The following HADHA variants were observed in gnomAD, a reference collection of about 807,000 sequenced individuals.
The protein encoded by HADHA is trifunctional enzyme subunit alpha, mitochondrial.
In HADHA, 59 loss-of-function variants were observed where a neutral mutation model predicts 91.3. That is an observed-to-expected ratio of 0.65 (90% CI 0.52 to 0.80). The LOEUF (loss-of-function observed/expected upper bound fraction) is 0.80. Among genes scored for constraint, HADHA ranks in the 30% least tolerant of loss-of-function variants. The pLI, the probability that HADHA is intolerant of heterozygous loss-of-function variation, is 0.00. For synonymous variants in HADHA, 320 were observed against 338.9 expected, an observed-to-expected ratio of 0.94 and a Z score of 0.61; for missense variants, 800 against 927.6, an observed-to-expected ratio of 0.86 and a Z score of 1.79.
chr2:26,193,800 A>G (rs1365716399), intron 16 of HADHA, 28 bp from the exon 17 acceptor site: 2 of 1,593,626 alleles, frequency 1.3e-6, no homozygotes, highest in East Asian at 2.2e-5. Flanking sequence ...CAGGGACCTC[A>G]GGGGAAGGGC....
intron 3 of HADHA, 94 bp downstream of exon 3, chr2:26,238,840 G>T: frequency 1.2e-6 from 1 of 825,872 alleles, no homozygotes; most frequent in Non-Finnish European, 2.2e-6. Context: ...CTGCCAGATT[G>T]GTAGATTTGG....
chr2:26,195,459 A>G (rs1669642145), intron 14 of HADHA, among the ~76,000 whole-genome samples: 2 of 152,076 alleles, frequency 1.3e-5, no homozygotes, highest in Non-Finnish European at 2.9e-5. Flanking sequence ...GTTTTTCACT[A>G]CAGACATCTG....
chr2:26,230,421 T>G (rs1458189428), intron 6 of HADHA, 127 bp from the exon 7 acceptor site: 2 of 714,648 alleles, frequency 2.8e-6, no homozygotes, highest in African/African-American at 1.7e-5. Context: ...ATGCTATTTG[T>G]CAACAGCATA....
Position 26,209,852 on chromosome 2 carries a change from G to A in HADHA, c.1013C>T (p.Ala338Val). 1 of 1,604,806 alleles carries A rather than the reference G, an allele frequency of 6.2e-7. No homozygotes were observed. Among genetic ancestry groups the A allele is most frequent in the South Asian group, 1.1e-5 (1 of 90,872 alleles). ...CTGACCATGGTAGAGTCCCATCAAG[G>A]CCTTTGATTCTTTGGTCATTACAAG... ...GELVMTKESK[A>V]LMGLYHGQVL... The change falls in exon 11 of 20, where the codon GCC becomes GTC. Residue 338 changes from alanine (A) to valine (V), a missense_variant. Coordinates refer to ENST00000380649, the MANE Select transcript of HADHA (RefSeq NM_000182.5).
intron 16 of HADHA, 70 bp downstream of exon 16, chr2:26,194,500 T>G: frequency 1.0e-6 from 1 of 968,380 alleles, no homozygotes; most frequent in Non-Finnish European, 1.7e-6. Flanking sequence ...GTCCTTATCT[T>G]GACATCATGA....
At position 26,193,790 on chromosome 2, in the gene HADHA, C is replaced by T. The variant is rs1057523303; in HGVS notation, c.1690-18G>A. ...ACTCCTTCCTGAACAGGAAGCGATG[C>T]AGGGACCTCAGGGGAAGGGCAGCCC... On this transcript the variant is annotated intron_variant, in intron 16 of 19. Transcript: ENST00000380649. 6.2e-7 allele frequency: 1 copy of T among 1,602,660 alleles called. No homozygotes were observed. Among genetic ancestry groups the T allele is most frequent in the East Asian group, 2.2e-5 (1 of 44,810 alleles).
intron 16 of HADHA, among the ~76,000 whole-genome samples, chr2:26,194,198 G>A (rs1300240805): frequency 1.3e-5 from 2 of 152,142 alleles, no homozygotes; most frequent in Admixed American, 6.5e-5. Context: ...GAATGACCTC[G>A]ATGGCTACTG....
At chr2:26,224,327 A>G (rs1670440105) in intron 7 of HADHA, among the ~76,000 whole-genome samples, 1 of 152,188 alleles carries the variant, frequency 6.6e-6, no homozygotes, top group Non-Finnish European at 1.5e-5. Flanking sequence ...GGGTTGTTTA[A>G]TTATTTACTC....
rs1203939749 is a variant in HADHA at position 26,214,093 on chromosome 2, A to G, written c.918+350T>C. On this transcript the variant is annotated intron_variant, in intron 9 of 19. Transcript: ENST00000380649. The surrounding 1 kb of genome is among the most constrained non-coding windows in gnomAD (Gnocchi z 4.1). ...ACTGACAATGATGTTGACCAAGAAT[A>G]GAACAGAGCCATCAATTTTGTTTCA... Among the ~76,000 whole-genome samples the G allele has an allele frequency of 3.3e-5, 5 of 152,254 alleles. No individual in the cohort carries two copies. Among genetic ancestry groups the G allele is most frequent in the Non-Finnish European group, 5.9e-5 (4 of 68,042 alleles).
chr2:26,219,406 G>T (rs1032109774), intron 7 of HADHA, among the ~76,000 whole-genome samples: 1 of 152,134 alleles, frequency 6.6e-6, no homozygotes, highest in Non-Finnish European at 1.5e-5. Context: ...GATTACAGGC[G>T]TGAGCCACTG....
intron 7 of HADHA, among the ~76,000 whole-genome samples, chr2:26,216,581 A>T (rs1001118144): frequency 6.6e-6 from 1 of 152,218 alleles, no homozygotes; most frequent in Middle Eastern, 3.4e-3. Flanking sequence ...TCGGCCTCCC[A>T]AAGTGCTAGG....
intron 15 of HADHA, 58 bp from the exon 16 acceptor site, chr2:26,194,696 A>C: frequency 9.3e-7 from 1 of 1,076,222 alleles, no homozygotes; most frequent in Non-Finnish European, 1.4e-6. Flanking sequence ...AGTCTGAAAC[A>C]CTCTACCTTT....
chr2:26,232,312 G>GA (rs1480585696), intron 5 of HADHA, 33 bp from the exon 6 acceptor site: 5 of 1,544,280 alleles, frequency 3.2e-6, no homozygotes, highest in East Asian at 2.2e-5. Context: ...TAGAATGTTA[G>GA]AAAATGTAAC....
In HADHA at chr2:26,209,866, G is replaced by T. The variant is rs2147766687; in HGVS notation, c.999C>A (p.Thr333=). Residue 333 remains threonine, a synonymous_variant, in exon 11 of 20, where the codon ACC becomes ACA. Coordinates refer to ENST00000380649, the MANE Select transcript of HADHA (RefSeq NM_000182.5). The part of the protein sequence containing the change: ...ESQKFGELVM[T]KESKALMGLY... Reference sequence around the variant, plus strand: ...GTCCCATCAAGGCCTTTGATTCTTTGGTCATTACAAGCTCTCCAAATTTCT... The same window carrying T: ...GTCCCATCAAGGCCTTTGATTCTTTTGTCATTACAAGCTCTCCAAATTTCT... 3 of 1,594,526 alleles carry T rather than the reference G, an allele frequency of 1.9e-6. No individual in the cohort carries two copies. The highest frequency in any genetic ancestry group is 2.2e-5 in the East Asian group (1 of 44,762).
intron 2 of HADHA, 26 bp from the exon 3 acceptor site, chr2:26,239,030 G>A (rs2147785539): frequency 1.9e-6 from 3 of 1,576,506 alleles, no homozygotes; most frequent in Non-Finnish European, 2.6e-6. Context: ...AGATTTATTT[G>A]TAAACATATT....
intron 1 of HADHA, among the ~76,000 whole-genome samples, chr2:26,242,909 G>A (rs1342697552): frequency 3.3e-5 from 5 of 152,122 alleles, no homozygotes; most frequent in Non-Finnish European, 4.4e-5. Flanking sequence ...CCACCAACAC[G>A]TCCGGCTAAT....
chr2:26,241,606 G>A (rs989430427), intron 1 of HADHA, among the ~76,000 whole-genome samples: 4 of 151,712 alleles, frequency 2.6e-5, no homozygotes, highest in African/African-American at 4.8e-5. Flanking sequence ...AGCCAAGAGC[G>A]CACCATTGCA....
chr2:26,214,913 T>A lies in HADHA; in HGVS notation c.799+140A>T. ...ACTGGATAGTGTAAAGTTGAGGAGTTGTTACATCTCCTACCTAAGGCTGAC... is the reference window on the plus strand; with the variant it reads ...ACTGGATAGTGTAAAGTTGAGGAGTAGTTACATCTCCTACCTAAGGCTGAC... On this transcript the variant is annotated intron_variant, in intron 8 of 19. Coordinates refer to ENST00000380649, the MANE Select transcript of HADHA (RefSeq NM_000182.5). This position sits in a 1 kb window ranked among gnomAD's most constrained non-coding sequence, Gnocchi z 4.1. The A allele has an allele frequency of 1.2e-6, 1 of 851,816 alleles. No homozygotes were observed. The highest frequency in any genetic ancestry group is 2.0e-6 in the Non-Finnish European group (1 of 501,612). 52.8% of individuals were successfully genotyped at this position (851,816 alleles called of 1,614,324 possible). A position where few individuals can be genotyped will look rare whatever the true frequency, so the allele number is the denominator to read the frequency against.
chr2:26,198,065 C>T (rs971404806), intron 13 of HADHA, among the ~76,000 whole-genome samples: 6 of 152,182 alleles, frequency 3.9e-5, no homozygotes, highest in African/African-American at 1.4e-4. Context: ...GTCAATAAAA[C>T]AGCTTAGAAC....
Sources: allele counts gnomAD v4.1 joint callset (sites outside exome capture counted in the v4.1 genomes callset), GRCh38; gene constraint gnomAD v4.1.1; non-coding constraint Gnocchi (gnomAD v3.1); transcripts MANE v1.5; gene names NCBI Gene and HGNC (gene_info 2026-07-23, HGNC 2026-07-21).